BTBD9: variants seen among roughly 807,000 people sequenced by gnomAD.
BTBD9 encodes BTB domain containing 9, also known as BTB/POZ domain-containing protein 9.
Under a neutral mutation model 64.3 loss-of-function variants are expected in BTBD9, and 49 were observed. That is an observed-to-expected ratio of 0.76 (90% CI 0.61 to 0.97). The LOEUF (loss-of-function observed/expected upper bound fraction) is 0.97, where lower values mean the gene tolerates loss of function less well. BTBD9 is among the 50% of genes least tolerant of loss of function. The probability of loss-of-function intolerance (pLI) is 0.00; values close to 1 mark genes in which losing one functional copy is unlikely to be tolerated. For synonymous variants in BTBD9, 260 were observed against 274.7 expected (o/e 0.95, Z 0.53); for missense variants, 598 against 762.1 (o/e 0.78, Z 2.53).
chr6:38,411,070 A>G (rs1468148141), intron 6 of BTBD9, among the ~76,000 whole-genome samples: 1 of 152,146 alleles, frequency 6.6e-6, no homozygotes, highest in Admixed American at 6.5e-5. Context: ...GGCAACATGC[A>G]TAAAAAAGAA....
At chr6:38,500,700 C>A (rs1310370012) in intron 6 of BTBD9, among the ~76,000 whole-genome samples, 1 of 152,144 alleles carries the variant, frequency 6.6e-6, no homozygotes, top group Non-Finnish European at 1.5e-5. Context: ...ACCAGAAGCC[C>A]CGGAAGCGCA....
intron 6 of BTBD9, among the ~76,000 whole-genome samples, chr6:38,347,227 G>C (rs1764317049): frequency 1.3e-5 from 2 of 152,114 alleles, no homozygotes; most frequent in Non-Finnish European, 2.9e-5. Context: ...AGAATAAAAA[G>C]TTATACTGGA....
intron 6 of BTBD9, among the ~76,000 whole-genome samples, chr6:38,493,086 G>C (rs923213121): frequency 6.6e-6 from 1 of 152,110 alleles, no homozygotes; most frequent in African/African-American, 2.4e-5. Context: ...TAATAAGAAA[G>C]TGTGCTATAA....
intron 7 of BTBD9, among the ~76,000 whole-genome samples, chr6:38,300,192 GCT>G (rs1257720382): frequency 6.6e-6 from 1 of 152,158 alleles, no homozygotes; most frequent in South Asian, 2.1e-4. Flanking sequence ...ATTTCTGAGG[GCT>G]CTGTTCTGTT....
intron 6 of BTBD9, among the ~76,000 whole-genome samples, chr6:38,553,008 C>T (rs1228066965): frequency 6.6e-6 from 1 of 152,090 alleles, no homozygotes; most frequent in Non-Finnish European, 1.5e-5. Flanking sequence ...ACATTTTTTT[C>T]TTCAATCCAC....
At chr6:38,504,506 T>C (rs1187775861) in intron 6 of BTBD9, 6 of 456,578 alleles carry the variant, frequency 1.3e-5, no homozygotes, top group Non-Finnish European at 1.8e-5. Context: ...TTTGAGGACT[T>C]TGCACTGTCA....
chr6:38,588,299 G>C, intron 4 of BTBD9: 1 of 1,090,356 alleles, frequency 9.2e-7, no homozygotes, highest in Non-Finnish European at 1.4e-6. Context: ...TACCAGGCAA[G>C]CAATTATCCT....
chr6:38,558,921 C>A (rs958439779), intron 6 of BTBD9, among the ~76,000 whole-genome samples: 10 of 152,124 alleles, frequency 6.6e-5, no homozygotes, highest in Non-Finnish European at 1.3e-4. Flanking sequence ...AGTCTCTCCT[C>A]CTCCATCGTT....
rs1254535022 is a variant in BTBD9, at chr6:38,171,041, G to A, written c.*3944C>T. ...GACACCTTTCTTCCCTGTCCAAAGG[G>A]AGGTTCTTAATTGAAGTCTGTGAGG... On this transcript the variant is annotated 3_prime_UTR_variant, in exon 11 of 11. Transcript: ENST00000481247. 1 of 152,242 alleles carries A rather than the reference G, an allele frequency of 6.6e-6. No homozygotes were observed. The highest frequency in any genetic ancestry group is 1.5e-5 in the Non-Finnish European group (1 of 68,042). 9.4% of individuals were successfully genotyped at this position (152,242 alleles called of 1,614,324 possible).
chr6:38,625,854 A>G lies in BTBD9; in HGVS notation c.-28+13946T>C. ...TAACTATGAGGATAAAATAAAACAC[A>G]TGAAGGACATAGTACAGTGCTTCAC... is the stretch of plus-strand genomic sequence containing the variant. On this transcript the variant is annotated intron_variant, in intron 1 of 10. Transcript: ENST00000481247. Among the ~76,000 whole-genome samples, 2 of 152,210 alleles carry G rather than the reference A, an allele frequency of 1.3e-5. 1 individual carries two copies. Among genetic ancestry groups the G allele is most frequent in the Non-Finnish European group, 2.9e-5 (2 of 68,036 alleles).
intron 6 of BTBD9, among the ~76,000 whole-genome samples, chr6:38,561,764 A>T (rs1328991910): frequency 1.3e-5 from 2 of 152,196 alleles, no homozygotes; most frequent in African/African-American, 4.8e-5. Flanking sequence ...AGATGAGAAC[A>T]GTAGACACTG....
At chr6:38,220,153 TG>T (rs1467777857) in intron 9 of BTBD9, among the ~76,000 whole-genome samples, 1 of 152,186 alleles carries the variant, frequency 6.6e-6, no homozygotes, top group African/African-American at 2.4e-5. Context: ...CAGTGGGTGA[TG>T]GTGTTGGGGG....
intron 4 of BTBD9, among the ~76,000 whole-genome samples, chr6:38,591,860 T>C (rs1434063049): frequency 1.3e-5 from 2 of 152,174 alleles, no homozygotes; most frequent in African/African-American, 2.4e-5. Context: ...GTATGTTACA[T>C]AAGTGTTAGC....
At position 38,494,568 on chromosome 6, in the gene BTBD9, T is replaced by C. The variant is rs545700265; in HGVS notation, c.1154+83032A>G. Among the ~76,000 whole-genome samples, 26 of 152,346 alleles carry C rather than the reference T, an allele frequency of 1.7e-4. No homozygotes were observed. The South Asian group carries it at 5.2e-3, about 30-fold the overall frequency. On this transcript the variant is annotated intron_variant, in intron 6 of 10. Transcript: ENST00000481247. Reference sequence around the variant, plus strand: ...TTATGGAACTCTATTTTGCCTGATATACATCATGATGAGTACATATGGTGA... The same window carrying C: ...TTATGGAACTCTATTTTGCCTGATACACATCATGATGAGTACATATGGTGA...
chr6:38,381,845 C>T (rs1344059412), intron 6 of BTBD9, among the ~76,000 whole-genome samples: 3 of 152,014 alleles, frequency 2.0e-5, no homozygotes, highest in African/African-American at 2.4e-5. Context: ...AATCTAAATA[C>T]ATTTCCAAAG....
intron 6 of BTBD9, among the ~76,000 whole-genome samples, chr6:38,436,122 T>C (rs1255433762): frequency 6.6e-6 from 1 of 151,902 alleles, no homozygotes; most frequent in African/African-American, 2.4e-5. Context: ...CTAGTACTGA[T>C]AAGTAGATAA....
At chr6:38,551,125 C>CTTTA (rs71543930) in intron 6 of BTBD9, among the ~76,000 whole-genome samples, 42,390 of 151,850 alleles carry the variant, frequency 0.28, 6,176 homozygotes, top group Non-Finnish European at 0.31. Context: ...CTCTTCCCTG[C>CTTTA]TTTATTTATT....
chr6:38,236,570 T>C (rs912547077), intron 9 of BTBD9, among the ~76,000 whole-genome samples: 1 of 152,154 alleles, frequency 6.6e-6, no homozygotes, highest in Non-Finnish European at 1.5e-5. Context: ...AATTCCTAAG[T>C]AAAAGGGTCA....
intron 1 of BTBD9, among the ~76,000 whole-genome samples, chr6:38,627,475 T>C (rs977788252): frequency 1.3e-5 from 2 of 152,166 alleles, no homozygotes; most frequent in South Asian, 2.1e-4. Context: ...TGAATAGATA[T>C]GCAAGAAACT....
Sources: gnomAD v4.1 joint callset for allele counts (sites outside exome capture counted in the v4.1 genomes callset) on GRCh38, gnomAD v4.1.1 for gene constraint, MANE v1.5 for transcripts, NCBI Gene and HGNC (gene_info 2026-07-23, HGNC 2026-07-21) for gene names.